Variants in PRKN observed in about 807,000 individuals in gnomAD.
The protein encoded by PRKN is parkin RBR E3 ubiquitin protein ligase.
Under a neutral mutation model 59.5 loss-of-function variants are expected in PRKN, and 56 were observed. The observed-to-expected ratio is 0.94, with a 90% CI of 0.76 to 1.18. The LOEUF is 1.18. Ranked by LOEUF, PRKN falls within the 50% of genes most tolerant of loss-of-function variation. PRKN has a pLI of 0.00. For missense variants in PRKN, 657 were observed against 596.4 expected (o/e 1.10, Z -1.06); for synonymous variants, 250 against 222.1 (o/e 1.13, Z -1.12).
In PRKN at chr6:161,581,470, A is replaced by C. The variant is rs1781337265; in HGVS notation, c.872-12054T>G. Among the ~76,000 whole-genome samples, 1 of 152,220 alleles carries C rather than the reference A, an allele frequency of 6.6e-6. No homozygotes were observed. The highest frequency in any genetic ancestry group is 1.5e-5 in the Non-Finnish European group (1 of 68,048). On this transcript the variant is annotated intron_variant, in intron 7 of 11. Transcript: ENST00000366898. This position sits in a 1 kb window ranked among gnomAD's most constrained non-coding sequence, Gnocchi z 4.5. ...AAAGGAGTTTTTTTGAGAAGTGTTG[A>C]GAGAGAAGAGGCCTGGAATCTAAAA...
chr6:162,475,208 C>T (rs973875360), intron 1 of PRKN, among the ~76,000 whole-genome samples: 2 of 152,130 alleles, frequency 1.3e-5, no homozygotes, highest in African/African-American at 4.8e-5. Context: ...AACCAAAAAA[C>T]AGCCTATGAA....
At chr6:162,314,151 G>T (rs1457202482) in intron 2 of PRKN, among the ~76,000 whole-genome samples, 2 of 152,028 alleles carry the variant, frequency 1.3e-5, no homozygotes, top group African/African-American at 2.4e-5. Flanking sequence ...GAATTAATCT[G>T]GTCTCCCCAA....
At position 161,929,517 on chromosome 6, in the gene PRKN, C is replaced by CTTTTTTTTTTTTTTTTTTTT. The variant is rs759945931; in HGVS notation, c.734+43765_734+43784dup. Among the ~76,000 whole-genome samples the CTTTTTTTTTTTTTTTTTTTT allele has an allele frequency of 2.8e-5, 2 of 72,272 alleles. 1 individual carries two copies. The allele number at this position is 72,272 out of a possible 152,430, so 47.4% of individuals were successfully genotyped here. A position where few individuals can be genotyped will look rare whatever the true frequency, so the allele number is the denominator to read the frequency against. On this transcript the variant is annotated intron_variant, in intron 6 of 11. Coordinates refer to ENST00000366898, the MANE Select transcript of PRKN (RefSeq NM_004562.3). ...GTTTAGTTTTATGTGAATTTCACCTCTTTTTTTTTTTTTTTTTTTTTTTTG... is the reference window on the plus strand; with the variant it reads ...GTTTAGTTTTATGTGAATTTCACCTCTTTTTTTTTTTTTTTTTTTTTTTTTTTTTTTTTTTTTTTTTTTTG...
At chr6:162,240,595 A>G (rs1170155127) in intron 3 of PRKN, among the ~76,000 whole-genome samples, 1 of 152,224 alleles carries the variant, frequency 6.6e-6, no homozygotes, top group Non-Finnish European at 1.5e-5. Context: ...GGAAGTAACA[A>G]TAACACCATG....
chr6:161,536,416 A>G (rs573762063), intron 9 of PRKN, among the ~76,000 whole-genome samples: 2 of 151,084 alleles, frequency 1.3e-5, no homozygotes, highest in South Asian at 2.1e-4. Context: ...ACTGGTCCAC[A>G]CTTGAAAAAA....
chr6:162,107,854 C>CA (rs962394471), intron 4 of PRKN, among the ~76,000 whole-genome samples: 1 of 152,028 alleles, frequency 6.6e-6, no homozygotes, highest in Non-Finnish European at 1.5e-5. Flanking sequence ...CCAAGTTTGT[C>CA]AAAAAACACC....
intron 2 of PRKN, among the ~76,000 whole-genome samples, chr6:162,353,905 G>C (rs1784730710): frequency 6.6e-6 from 1 of 152,132 alleles, no homozygotes; most frequent in Non-Finnish European, 1.5e-5. Flanking sequence ...ATGCAAATCT[G>C]CTAGAAGTAG....
chr6:162,350,396 C>A (rs1784575249), intron 2 of PRKN, among the ~76,000 whole-genome samples: 1 of 152,104 alleles, frequency 6.6e-6, no homozygotes, highest in African/African-American at 2.4e-5. Flanking sequence ...CCTGGAATAT[C>A]TAAAACAAAG....
In PRKN at chr6:162,226,097, T is replaced by TAATAATA. The variant is rs1554287422; in HGVS notation, c.413-24846_413-24845insTATTATT. 1.3e-3 allele frequency among the ~76,000 whole-genome samples: 76 copies of TAATAATA among 60,640 alleles called. 2 individuals are homozygous for TAATAATA. In the East Asian group the frequency reaches 0.033, roughly 27 times the overall value. 39.8% of individuals were successfully genotyped at this position (60,640 alleles called of 152,430 possible). ...ATAATAATAATAATAATAATAATAA[T>TAATAATA]AAAATTAGATCAAACTGGGCAGGTT... On this transcript the variant is annotated intron_variant, in intron 3 of 11. Coordinates refer to ENST00000366898, the MANE Select transcript of PRKN (RefSeq NM_004562.3).
At chr6:161,940,053 T>C (rs747860878) in intron 6 of PRKN, among the ~76,000 whole-genome samples, 5 of 152,054 alleles carry the variant, frequency 3.3e-5, no homozygotes, top group Non-Finnish European at 7.4e-5. Context: ...TGTGCCACCA[T>C]GCCCGGCTAA....
chr6:162,366,353 G>A (rs997689017), intron 2 of PRKN, among the ~76,000 whole-genome samples: 1 of 152,006 alleles, frequency 6.6e-6, no homozygotes, highest in Non-Finnish European at 1.5e-5. Context: ...GGCTTTCTTA[G>A]ATCTTATATC....
Position 162,498,842 on chromosome 6 carries a change from G to A in PRKN, c.8-55369C>T, listed in dbSNP as rs60982267. Among the ~76,000 whole-genome samples the A allele has an allele frequency of 2.3e-3, 350 of 152,210 alleles. 1 individual carries two copies. Among genetic ancestry groups the A allele is most frequent in the African/African-American group, 8.2e-3 (340 of 41,534 alleles). ...GGTTTATGAGAATTGGACAGTAGCC[G>A]TTAACTGCTGTTTTATTATTTATCC... is the stretch of plus-strand genomic sequence containing the variant. On this transcript the variant is annotated intron_variant, in intron 1 of 11. Transcript: ENST00000366898.
intron 4 of PRKN, among the ~76,000 whole-genome samples, chr6:162,074,100 A>G (rs1436942225): frequency 2.1e-5 from 3 of 144,094 alleles, no homozygotes; most frequent in Non-Finnish European, 3.0e-5. Context: ...AGAACTGGAA[A>G]TACCATTTGA....
chr6:161,392,868 G>A (rs1366002674), intron 9 of PRKN, among the ~76,000 whole-genome samples: 1 of 151,720 alleles, frequency 6.6e-6, no homozygotes, highest in Non-Finnish European at 1.5e-5. Flanking sequence ...TCATATTTTT[G>A]TCTTGCAACT....
chr6:162,132,312 T>C (rs1173449166), intron 4 of PRKN, among the ~76,000 whole-genome samples: 1 of 152,012 alleles, frequency 6.6e-6, no homozygotes, highest in Non-Finnish European at 1.5e-5. Flanking sequence ...GTGCCTGACA[T>C]ATGCTACCTG....
intron 5 of PRKN, among the ~76,000 whole-genome samples, chr6:162,018,455 G>A (rs1783012379): frequency 6.6e-6 from 1 of 152,174 alleles, no homozygotes. Context: ...GATGAGAGGA[G>A]CCATTTTTGA....
At chr6:161,587,081 C>T (rs936956092) in intron 7 of PRKN, among the ~76,000 whole-genome samples, 1 of 152,186 alleles carries the variant, frequency 6.6e-6, no homozygotes, top group African/African-American at 2.4e-5. Context: ...TAATCCAAAT[C>T]AGTTTATAAA....
intron 2 of PRKN, among the ~76,000 whole-genome samples, chr6:162,396,016 T>C (rs776528854): frequency 2.0e-5 from 3 of 152,216 alleles, no homozygotes; most frequent in Non-Finnish European, 2.9e-5. Context: ...GACAGGAATA[T>C]GTCATTCATA....
chr6:162,165,369 C>T (rs950503141), intron 4 of PRKN, among the ~76,000 whole-genome samples: 3 of 149,116 alleles, frequency 2.0e-5, no homozygotes, highest in Non-Finnish European at 3.0e-5. Context: ...AAATGAATTA[C>T]CAAACTCCAG....
Sources: allele counts gnomAD v4.1 joint callset (sites outside exome capture counted in the v4.1 genomes callset), GRCh38; gene constraint gnomAD v4.1.1; non-coding constraint Gnocchi (gnomAD v3.1); transcripts MANE v1.5; gene names NCBI Gene and HGNC (gene_info 2026-07-23, HGNC 2026-07-21).